The following ZNF653 variants were observed in gnomAD, a reference collection of about 807,000 sequenced individuals.
ZNF653 encodes the protein 67 kDa zinc finger protein.
ZNF653 carries 37 observed loss-of-function variants against 59.9 expected under a neutral mutation model. That is an observed-to-expected ratio of 0.62 (90% CI 0.48 to 0.81). ZNF653 has a LOEUF of 0.81. Ranked by LOEUF, ZNF653 falls within the 40% of genes least tolerant of loss-of-function variation. The pLI is 0.00. For synonymous variants in ZNF653, 435 were observed against 371.8 expected (o/e 1.17, Z -1.96); for missense variants, 808 against 881.1 (o/e 0.92, Z 1.05).
rs777896624 is a variant in ZNF653 at position 11,483,674 on chromosome 19, C to T, written c.*8G>A. 3 of 1,606,568 alleles carry T rather than the reference C, an allele frequency of 1.9e-6. No individual in the cohort carries two copies. The South Asian group carries it at 3.3e-5, about 18-fold the overall frequency. Reference sequence around the variant, plus strand: ...CGAATAAATAGGGGCGGTCAGTGGTCAGGTGGGTCAGGTGGGCTTGTGATC... The same window carrying T: ...CGAATAAATAGGGGCGGTCAGTGGTTAGGTGGGTCAGGTGGGCTTGTGATC... On this transcript the variant is annotated 3_prime_UTR_variant, in exon 9 of 9. Transcript: ENST00000293771.
intron 1 of ZNF653, among the ~76,000 whole-genome samples, chr19:11,501,847 T>G (rs644699): frequency 2.0e-5 from 3 of 152,024 alleles, no homozygotes; most frequent in African/African-American, 7.3e-5. Context: ...CAGGCTGGAG[T>G]GCGGTGGCAC....
At chr19:11,491,505 C>G (rs1352017442) in intron 3 of ZNF653, among the ~76,000 whole-genome samples, 2 of 152,196 alleles carry the variant, frequency 1.3e-5, no homozygotes, top group African/African-American at 2.4e-5. Flanking sequence ...CACCTCCTGT[C>G]CTCGCCTCCT....
chr19:11,490,790 C>T (rs1971522214), intron 3 of ZNF653, among the ~76,000 whole-genome samples: 2 of 152,190 alleles, frequency 1.3e-5, no homozygotes, highest in African/African-American at 4.8e-5. Context: ...TCTTCCATCT[C>T]ATTGGCCCCC....
chr19:11,505,404 C>A, intron 1 of ZNF653, 84 bp downstream of exon 1: 1 of 1,316,972 alleles, frequency 7.6e-7, no homozygotes, highest in Non-Finnish European at 9.7e-7. Context: ...GGGGGCTGGC[C>A]CTAGAAGCGG....
intron 1 of ZNF653, 107 bp from the exon 2 acceptor site, chr19:11,498,446 T>G (rs1971610624): frequency 5.4e-6 from 8 of 1,472,560 alleles, no homozygotes; most frequent in African/African-American, 1.4e-5. Context: ...ACACTGAAAC[T>G]AAATCTGAAC....
In ZNF653 at chr19:11,483,629, G is replaced by C. The variant is rs561116566; in HGVS notation, c.*53C>G. The C allele has an allele frequency of 4.4e-6, 7 of 1,581,920 alleles. No individual in the cohort carries two copies. Among genetic ancestry groups the C allele is most frequent in the Middle Eastern group, 1.7e-4 (1 of 5,908 alleles). ...CAGCTGTCCAGGCCCCGGCAAGCCC[G>C]GGCGTGGTGTCCGAGCGGACGAATA... On this transcript the variant is annotated 3_prime_UTR_variant, in exon 9 of 9. Coordinates refer to ENST00000293771, the MANE Select transcript of ZNF653 (RefSeq NM_138783.4).
intron 3 of ZNF653, among the ~76,000 whole-genome samples, chr19:11,492,718 C>A (rs555862868): frequency 6.6e-6 from 1 of 152,166 alleles, no homozygotes; most frequent in Non-Finnish European, 1.5e-5. Flanking sequence ...CGTAAGGTTG[C>A]GGGGTCCCGG....
intron 7 of ZNF653, among the ~76,000 whole-genome samples, chr19:11,485,361 C>T (rs976520742): frequency 2.3e-4 from 35 of 152,096 alleles, no homozygotes; most frequent in Admixed American, 2.2e-3. Flanking sequence ...GTGGCGGTGT[C>T]AGCTGCTCCC....
intron 3 of ZNF653, among the ~76,000 whole-genome samples, chr19:11,489,991 C>A (rs758763232): frequency 1.3e-5 from 2 of 152,206 alleles, no homozygotes; most frequent in Non-Finnish European, 2.9e-5. Flanking sequence ...TCAATCCAAT[C>A]TGACATTATC....
chr19:11,502,532 G>A (rs1052153269), intron 1 of ZNF653, among the ~76,000 whole-genome samples: 2 of 152,132 alleles, frequency 1.3e-5, no homozygotes, highest in Non-Finnish European at 2.9e-5. Context: ...ACATCCTAGA[G>A]ACAGTTTCTT....
chr19:11,483,933 G>T, intron 8 of ZNF653, 74 bp from the exon 9 acceptor site: 1 of 1,516,984 alleles, frequency 6.6e-7, no homozygotes, highest in Non-Finnish European at 8.8e-7. Flanking sequence ...AAGGCCGAGC[G>T]CAGGTGGAAC....
At chr19:11,494,993 CG>C (rs1971570348) in intron 3 of ZNF653, among the ~76,000 whole-genome samples, 1 of 152,200 alleles carries the variant, frequency 6.6e-6, no homozygotes, top group African/African-American at 2.4e-5. Context: ...AGAGCCTGGC[CG>C]ACACTTGGTG....
At chr19:11,498,176 G>A (rs1036923008) in intron 2 of ZNF653, 120 bp downstream of exon 2, 49 of 1,337,914 alleles carry the variant, frequency 3.7e-5, no homozygotes, top group Non-Finnish European at 4.5e-5. Flanking sequence ...GTTTGAGGTC[G>A]GGCTCTGCTG....
rs758671322 is a variant in ZNF653 at position 11,487,660 on chromosome 19, T to C, written c.803A>G (p.Asn268Ser). 1.2e-6 allele frequency: 2 copies of C among 1,613,874 alleles called. No individual in the cohort carries two copies. The highest frequency in any genetic ancestry group is 1.3e-5 in the African/African-American group (1 of 75,072). ...CACTGTCTCCAGGGCTTCAGGCCCA[T>C]TGCCTGCTGGGTTGGAGCACAGCGG... Reference protein sequence around the residue: ...GTPLCSNPAGNGPEALETVVC... With the variant: ...GTPLCSNPAGSGPEALETVVC... The change falls in exon 4 of 9, where the codon AAT becomes AGT. Residue 268 changes from asparagine to serine, a missense_variant. Coordinates refer to ENST00000293771, the MANE Select transcript of ZNF653 (RefSeq NM_138783.4). The surrounding 1 kb of genome is among the most constrained non-coding windows in gnomAD (Gnocchi z 5.1).
chr19:11,505,633 G>A lies in ZNF653; in HGVS notation c.154C>T (p.Arg52Trp). ...SDRARRRLESRKKYDVRRVYL... is the reference protein window; with the variant it reads ...SDRARRRLESWKKYDVRRVYL... ...ACGCGCCGCACGTCGTACTTCTTCC[G>A]GGACTCGAGCCGTCGCCGGGCCCGG... Residue 52 changes from arginine to tryptophan, a missense_variant, in exon 1 of 9, where the codon CGG becomes TGG. Arg to Trp is a moderately radical substitution (Grantham distance 101, BLOSUM62 -3). Coordinates refer to ENST00000293771, the MANE Select transcript of ZNF653 (RefSeq NM_138783.4). The A allele has an allele frequency of 2.0e-6, 3 of 1,500,484 alleles. No individual in the cohort carries two copies. The highest frequency in any genetic ancestry group is 2.2e-5 in the Admixed American group (1 of 46,268). The allele number at this position is 1,500,484 out of a possible 1,614,324, so 92.9% of individuals were successfully genotyped here. A position where few individuals can be genotyped will look rare whatever the true frequency, so the allele number is the denominator to read the frequency against.
chr19:11,493,712 G>C (rs1971552987), intron 3 of ZNF653, among the ~76,000 whole-genome samples: 1 of 152,168 alleles, frequency 6.6e-6, no homozygotes, highest in Admixed American at 6.5e-5. Context: ...CTCAGGTAAT[G>C]ACAGCACCAA....
chr19:11,488,001 T>TA (rs1971489674), intron 3 of ZNF653, 98 bp from the exon 4 acceptor site: 153 of 1,133,584 alleles, frequency 1.3e-4, no homozygotes, highest in Admixed American at 5.1e-4. Flanking sequence ...TTTATTTATT[T>TA]TTTTGAGACA....
At chr19:11,488,205 A>G (rs1241474823) in intron 3 of ZNF653, among the ~76,000 whole-genome samples, 1 of 150,120 alleles carries the variant, frequency 6.7e-6, no homozygotes, top group African/African-American at 2.5e-5. Flanking sequence ...GCTGGAGTGC[A>G]GTGGCGCGAT....
intron 2 of ZNF653, among the ~76,000 whole-genome samples, chr19:11,497,976 G>T (rs1037100881): frequency 1.3e-5 from 2 of 152,186 alleles, no homozygotes; most frequent in African/African-American, 4.8e-5. Context: ...ACCAACTGGT[G>T]GCCAGCAGGA....
Sources: gnomAD v4.1 joint callset for allele counts (sites outside exome capture counted in the v4.1 genomes callset) on GRCh38, gnomAD v4.1.1 for gene constraint, Gnocchi (gnomAD v3.1) non-coding constraint, MANE v1.5 for transcripts, NCBI Gene and HGNC (gene_info 2026-07-23, HGNC 2026-07-21) for gene names.